Variants in SFMBT2 observed in about 807,000 individuals in gnomAD.
SFMBT2 encodes scm-like with four MBT domains protein 2.
In SFMBT2, 38 loss-of-function variants were observed where a neutral mutation model predicts 110.1. The observed-to-expected ratio is 0.35, with a 90% CI of 0.27 to 0.45. The LOEUF (loss-of-function observed/expected upper bound fraction) is 0.45. Among genes scored for constraint, SFMBT2 ranks in the 20% least tolerant of loss-of-function variants. The probability of loss-of-function intolerance (pLI) is 1.00; values close to 1 mark genes in which losing one functional copy is unlikely to be tolerated. For missense variants in SFMBT2, 1,011 were observed against 1,094.9 expected (o/e 0.92, Z 1.08); for synonymous variants, 425 against 425.4 (o/e 1.00, Z 0.01).
intron 5 of SFMBT2, chr10:7,284,484 A>C: frequency 9.9e-7 from 1 of 1,013,344 alleles, no homozygotes; most frequent in Non-Finnish European, 1.2e-6. Flanking sequence ...GAAGAGTTCT[A>C]CCCAAATTTG....
intron 12 of SFMBT2, chr10:7,204,791 T>G (rs1564381748): frequency 3.9e-6 from 1 of 259,592 alleles, no homozygotes; most frequent in Admixed American, 6.5e-5. Flanking sequence ...GAGAATCTCT[T>G]GAACCCGGGA....
chr10:7,338,908 G>C (rs1375955797), intron 4 of SFMBT2, among the ~76,000 whole-genome samples: 1 of 152,128 alleles, frequency 6.6e-6, no homozygotes, highest in East Asian at 1.9e-4. Flanking sequence ...TGCTGTTCAG[G>C]TACAGGACGC....
At chr10:7,318,436 C>T (rs1843078374) in intron 4 of SFMBT2, among the ~76,000 whole-genome samples, 1 of 152,198 alleles carries the variant, frequency 6.6e-6, no homozygotes, top group Admixed American at 6.5e-5. Context: ...ATATTGTCCC[C>T]ACTTAGAAAT....
chr10:7,391,100 A>T (rs1262847842), intron 1 of SFMBT2, among the ~76,000 whole-genome samples: 1 of 151,866 alleles, frequency 6.6e-6, no homozygotes, highest in African/African-American at 2.4e-5. Flanking sequence ...ACTCCGACTC[A>T]CTCAGTCAAT....
intron 10 of SFMBT2, among the ~76,000 whole-genome samples, chr10:7,226,679 C>T (rs537614658): frequency 6.6e-6 from 1 of 152,366 alleles, no homozygotes; most frequent in East Asian, 1.9e-4. Context: ...GATATCTCTA[C>T]TCACAGTTCC....
At chr10:7,399,567 G>T (rs905419793) in intron 1 of SFMBT2, among the ~76,000 whole-genome samples, 24 of 152,182 alleles carry the variant, frequency 1.6e-4, no homozygotes, top group African/African-American at 4.6e-4. Flanking sequence ...TCATTTAAGT[G>T]CATGAAGGAA....
In SFMBT2 at chr10:7,311,056, AAAAAAAACAAAAC is replaced by A. The variant is rs1175466079; in HGVS notation, c.437-25115_437-25103del. ...GAGAAACTCCATCTCAAAAAAAAAA[AAAAAAAACAAAAC>A]AAAAACAAAATAAAACAAAACAAAC... On this transcript the variant is annotated intron_variant, in intron 4 of 20. Coordinates refer to ENST00000397167, the MANE Select transcript of SFMBT2 (RefSeq NM_001387889.1). Among the ~76,000 whole-genome samples, 6 of 151,634 alleles carry A rather than the reference AAAAAAAACAAAAC, an allele frequency of 4.0e-5. No individual in the cohort carries two copies. The East Asian group carries it at 9.6e-4, about 24-fold the overall frequency.
intron 4 of SFMBT2, among the ~76,000 whole-genome samples, chr10:7,357,286 AT>A (rs1219050211): frequency 1.3e-5 from 2 of 152,114 alleles, no homozygotes; most frequent in African/African-American, 2.4e-5. Context: ...CTGGTCACAC[AT>A]TACTCTGGGT....
chr10:7,203,972 C>T (rs1358048288), intron 12 of SFMBT2: 2 of 203,438 alleles, frequency 9.8e-6, no homozygotes, highest in Non-Finnish European at 1.7e-5. Context: ...CCGCCTCGGC[C>T]TCCCAAAGTG....
intron 4 of SFMBT2, among the ~76,000 whole-genome samples, chr10:7,338,060 C>T (rs934263681): frequency 6.6e-6 from 1 of 152,170 alleles, no homozygotes; most frequent in Non-Finnish European, 1.5e-5. Context: ...ACACATGTGA[C>T]CTCCTAAACC....
intron 4 of SFMBT2, chr10:7,348,074 C>T (rs145889054): frequency 4.5e-5 from 18 of 400,812 alleles, no homozygotes; most frequent in African/African-American, 2.5e-4. Context: ...AATAACAGTA[C>T]ACCCGGCATA....
At chr10:7,186,952 AC>A (rs1463563256) in intron 16 of SFMBT2, among the ~76,000 whole-genome samples, 1 of 152,192 alleles carries the variant, frequency 6.6e-6, no homozygotes, top group Non-Finnish European at 1.5e-5. Flanking sequence ...TTGCCATGGA[AC>A]TTTTTGTCAT....
intron 12 of SFMBT2, chr10:7,203,090 C>CT (rs1227251634): frequency 1.0e-6 from 1 of 985,246 alleles, no homozygotes; most frequent in Non-Finnish European, 1.2e-6. Context: ...TTCAGATCAC[C>CT]TTAACAAAAA....
chr10:7,399,522 G>C (rs1170773029), intron 1 of SFMBT2, among the ~76,000 whole-genome samples: 6 of 152,172 alleles, frequency 3.9e-5, no homozygotes, highest in Admixed American at 3.9e-4. Flanking sequence ...GTGAGCCACT[G>C]CGCCCAGCCT....
intron 15 of SFMBT2, among the ~76,000 whole-genome samples, chr10:7,196,674 TC>T (rs1352764822): frequency 6.6e-6 from 1 of 152,246 alleles, no homozygotes. Context: ...GTTCAATGGA[TC>T]AATGGATTGC....
At chr10:7,228,059 C>A in intron 9 of SFMBT2, 122 bp from the exon 10 acceptor site, 1 of 643,350 alleles carries the variant, frequency 1.6e-6, no homozygotes. Context: ...TGCCTAACAG[C>A]ACTTCAGATT....
chr10:7,164,191 A>C, intron 20 of SFMBT2: 5 of 885,318 alleles, frequency 5.6e-6, no homozygotes, highest in Non-Finnish European at 6.8e-6. Flanking sequence ...GTTTGAGACA[A>C]GTCTGGGTAA....
chr10:7,210,143 G>C (rs1267383433), intron 11 of SFMBT2, among the ~76,000 whole-genome samples: 1 of 152,160 alleles, frequency 6.6e-6, no homozygotes, highest in Non-Finnish European at 1.5e-5. Context: ...GCAGGACACA[G>C]AGGTCTACCT....
At chr10:7,241,446 C>T (rs570406718) in intron 9 of SFMBT2, 1 of 675,306 alleles carries the variant, frequency 1.5e-6, no homozygotes, top group Non-Finnish European at 1.8e-6. Context: ...AAGAAATATT[C>T]TTTTGAGTTT....
Sources: gnomAD v4.1 joint callset for allele counts (sites outside exome capture counted in the v4.1 genomes callset) on GRCh38, gnomAD v4.1.1 for gene constraint, MANE v1.5 for transcripts, NCBI Gene and HGNC (gene_info 2026-07-23, HGNC 2026-07-21) for gene names.